Variants in HMGCS1 observed in about 807,000 individuals in gnomAD.
HMGCS1 encodes 3-hydroxy-3-methylglutaryl-CoA synthase 1, also known as hydroxymethylglutaryl-CoA synthase, cytoplasmic.
HMGCS1 carries 9 observed loss-of-function variants against 52.3 expected under a neutral mutation model. That is an observed-to-expected ratio of 0.17 (90% confidence interval 0.10 to 0.30). The LOEUF (loss-of-function observed/expected upper bound fraction) is 0.30. Among genes scored for constraint, HMGCS1 ranks in the 10% least tolerant of loss-of-function variants. The pLI is 1.00. For missense variants in HMGCS1, 320 were observed against 620.9 expected (o/e 0.52, Z 5.15); for synonymous variants, 176 against 214.4 (o/e 0.82, Z 1.57).
chr5:43,291,272 G>T, intron 10 of HMGCS1, 52 bp from the exon 11 acceptor site: 2 of 1,077,150 alleles, frequency 1.9e-6, no homozygotes, highest in African/African-American at 1.5e-5. Context: ...TCCCCCACAA[G>T]AATCATGGCA....
intron 5 of HMGCS1, among the ~76,000 whole-genome samples, chr5:43,296,648 C>A (rs991579496): frequency 6.6e-6 from 1 of 152,132 alleles, no homozygotes; most frequent in Admixed American, 6.5e-5. Flanking sequence ...TTTAGTAATT[C>A]ATTTTCATTA....
intron 4 of HMGCS1, 101 bp downstream of exon 4, chr5:43,297,908 G>A: frequency 2.2e-6 from 2 of 928,746 alleles, no homozygotes; most frequent in Non-Finnish European, 1.6e-6. Context: ...AGTAGTACCT[G>A]CATTTAATGA....
At chr5:43,301,378 G>A (rs1754308941) in intron 2 of HMGCS1, among the ~76,000 whole-genome samples, 1 of 152,134 alleles carries the variant, frequency 6.6e-6, no homozygotes, top group Non-Finnish European at 1.5e-5. Context: ...AGAAGCCATC[G>A]GAGAGTTTAA....
rs1257109353 is a variant in HMGCS1, at chr5:43,294,094, G to A, written c.1145C>T (p.Thr382Ile). 6.2e-7 allele frequency: 1 copy of A among 1,613,042 alleles called. No homozygotes were observed. Residue 382 changes from threonine to isoleucine, a missense_variant, in exon 8 of 11, where the codon ACT becomes ATT. Physicochemically the swap from Thr to Ile is moderately conservative, Grantham distance 89. This residue lies in a region of HMGCS1 where 213 missense variants were observed against 337.4 expected (regional missense o/e 0.63). Transcript: ENST00000325110. ...TTGTGTGACTTTAAGAGAGTACAGA[G>A]TGGCAGCCAAACCAGAACCATAAGA... Reference protein sequence around the residue: ...VFSYGSGLAATLYSLKVTQDA... With the variant: ...VFSYGSGLAAILYSLKVTQDA...
intron 7 of HMGCS1, 103 bp downstream of exon 7, chr5:43,294,588 T>C (rs1753941080): frequency 1.3e-6 from 1 of 797,814 alleles, no homozygotes; most frequent in East Asian, 2.7e-5. Flanking sequence ...AAGATAAAAT[T>C]TTCTGTGATC....
Position 43,292,946 on chromosome 5 carries a change from C to G in HMGCS1, c.1211G>C (p.Ser404Thr). ...AAGCCTTGATTTAAGATCACATAAA[C>G]TTGCTGTTATTTTATCAAGAGCAGA... is the stretch of plus-strand genomic sequence containing the variant. ...PGSALDKITA[S>T]LCDLKSRLDS... Residue 404 changes from serine (S) to threonine (T), a missense_variant, in exon 9 of 11, where the codon AGT (serine) becomes ACT (threonine). Transcript: ENST00000325110. 6.2e-7 allele frequency: 1 copy of G among 1,603,784 alleles called. No individual in the cohort carries two copies.
intron 10 of HMGCS1, 121 bp downstream of exon 10, chr5:43,292,353 A>G: frequency 1.4e-6 from 1 of 692,106 alleles, no homozygotes; most frequent in South Asian, 2.0e-5. Flanking sequence ...AATTGGAAAT[A>G]GTACAGCTAG....
intron 2 of HMGCS1, among the ~76,000 whole-genome samples, chr5:43,304,988 T>C (rs78936402): frequency 0.016 from 1,492 of 95,582 alleles, 11 homozygotes; most frequent in Middle Eastern, 0.092. Context: ...TGGTCTCAAA[T>C]GTTACTTTTT....
In HMGCS1 at chr5:43,307,787, G is replaced by A. The variant is rs905680109; in HGVS notation, c.-32C>T. 1.3e-5 allele frequency: 2 copies of A among 152,186 alleles called. No individual in the cohort carries two copies. The highest frequency in any genetic ancestry group is 4.8e-5 in the African/African-American group (2 of 41,446). 9.4% of individuals were successfully genotyped at this position (152,186 alleles called of 1,614,324 possible). A position where few individuals can be genotyped will look rare whatever the true frequency, so the allele number is the denominator to read the frequency against. ...ATACCTGTGTGAAGGATAGAGAACT[G>A]CAGTCTCCAGGTCTGTCACTGTTTC... On this transcript the variant is annotated 5_prime_UTR_variant, in exon 2 of 11. Coordinates refer to ENST00000325110, the MANE Select transcript of HMGCS1 (RefSeq NM_001098272.3).
In HMGCS1 at chr5:43,297,983, A is replaced by AT. The variant is rs771252281; in HGVS notation, c.574+25_574+26insA. 3.1e-6 allele frequency: 5 copies of AT among 1,605,442 alleles called. No homozygotes were observed. In the African/African-American group the frequency reaches 6.7e-5, roughly 22 times the overall value. Reference sequence around the variant, plus strand: ...TTCTCAGCATATTGTGCTAAAAAAAACAAAAATGCTTTCCCAAGCACTTAC... The same window carrying AT: ...TTCTCAGCATATTGTGCTAAAAAAAATCAAAAATGCTTTCCCAAGCACTTAC... On this transcript the variant is annotated intron_variant, in intron 4 of 10. Coordinates refer to ENST00000325110, the MANE Select transcript of HMGCS1 (RefSeq NM_001098272.3).
intron 2 of HMGCS1, among the ~76,000 whole-genome samples, chr5:43,303,856 AG>A (rs1443610442): frequency 6.6e-6 from 1 of 152,212 alleles, no homozygotes; most frequent in Non-Finnish European, 1.5e-5. Flanking sequence ...AAAGCTGAGG[AG>A]GGTAAAGATA....
Position 43,290,415 on chromosome 5 carries a change from C to T in HMGCS1, c.*716G>A, listed in dbSNP as rs1753689881. The T allele has an allele frequency of 6.6e-6, 1 of 152,184 alleles. No individual in the cohort carries two copies. Among genetic ancestry groups the T allele is most frequent in the Middle Eastern group, 3.2e-3 (1 of 316 alleles). 9.4% of individuals were successfully genotyped at this position (152,184 alleles called of 1,614,324 possible). A position where few individuals can be genotyped will look rare whatever the true frequency, so the allele number is the denominator to read the frequency against. On this transcript the variant is annotated 3_prime_UTR_variant, in exon 11 of 11. Coordinates refer to ENST00000325110, the MANE Select transcript of HMGCS1 (RefSeq NM_001098272.3). The stretch of plus-strand genomic sequence containing the variant: ...GCTATATTCACAGCTCCTGAATGTA[C>T]CATGTTTTCTATACCAGAAGCCTCT...
intron 9 of HMGCS1, 26 bp from the exon 10 acceptor site, chr5:43,292,663 C>T: frequency 6.3e-7 from 1 of 1,588,876 alleles, no homozygotes; most frequent in Non-Finnish European, 8.6e-7. Context: ...AGAATATCTA[C>T]AATTAGTTAT....
At position 43,287,786 on chromosome 5, in the gene HMGCS1, G is replaced by A. The variant is rs1470517083; in HGVS notation, c.*3345C>T. 6.6e-6 allele frequency: 1 copy of A among 152,260 alleles called. No homozygotes were observed. Among genetic ancestry groups the A allele is most frequent in the Non-Finnish European group, 1.5e-5 (1 of 68,080 alleles). The allele number at this position is 152,260 out of a possible 1,614,324, so 9.4% of individuals were successfully genotyped here. On this transcript the variant is annotated 3_prime_UTR_variant, in exon 11 of 11. Transcript: ENST00000325110. ...GCAGACATTCCACGTCAGGGAGGCT[G>A]AAGTGAAAGGTATACAGCTAGAATC...
chr5:43,309,298 T>A (rs2111745229), intron 1 of HMGCS1, among the ~76,000 whole-genome samples: 1 of 151,726 alleles, frequency 6.6e-6, no homozygotes, highest in East Asian at 1.9e-4. Context: ...TGCAGTAGCA[T>A]TCCAGTCACT....
intron 2 of HMGCS1, among the ~76,000 whole-genome samples, 188 bp from the exon 3 acceptor site, chr5:43,299,163 C>T (rs1000953099): frequency 5.3e-5 from 8 of 152,102 alleles, no homozygotes; most frequent in Non-Finnish European, 1.0e-4. Flanking sequence ...GGAATATTAT[C>T]ATTTAAAATT....
chr5:43,294,120 A>C lies in HMGCS1; in HGVS notation c.1119T>G (p.Phe373Leu). ...QQLAGKRIGVFSYGSGLAATL... is the reference protein window; with the variant it reads ...QQLAGKRIGVLSYGSGLAATL... ...TGGCAGCCAAACCAGAACCATAAGA[A>C]AACACTCCAATTCTCTTCCCTGCTA... The change falls in exon 8 of 11, where the codon TTT becomes TTG. Residue 373 changes from phenylalanine (F) to leucine (L), a missense_variant. Coordinates refer to ENST00000325110, the MANE Select transcript of HMGCS1 (RefSeq NM_001098272.3). 6.2e-7 allele frequency: 1 copy of C among 1,613,538 alleles called. No homozygotes were observed. Among genetic ancestry groups the C allele is most frequent in the Non-Finnish European group, 8.5e-7 (1 of 1,179,490 alleles).
At chr5:43,305,706 G>A (rs753620563) in intron 2 of HMGCS1, among the ~76,000 whole-genome samples, 2 of 150,634 alleles carry the variant, frequency 1.3e-5, no homozygotes, top group Non-Finnish European at 2.9e-5. Flanking sequence ...GGAGACGGAG[G>A]TTGCAGTGAG....
At chr5:43,301,876 T>G (rs961583875) in intron 2 of HMGCS1, among the ~76,000 whole-genome samples, 1 of 152,214 alleles carries the variant, frequency 6.6e-6, no homozygotes, top group Admixed American at 6.5e-5. Flanking sequence ...GACTTCCAGA[T>G]TTCCATCCTC....
Sources: allele counts gnomAD v4.1 joint callset (sites outside exome capture counted in the v4.1 genomes callset), GRCh38; gene constraint gnomAD v4.1.1; regional missense constraint gnomAD v4.1.1; transcripts MANE v1.5; gene names NCBI Gene and HGNC (gene_info 2026-07-23, HGNC 2026-07-21).